FCMR: variants seen among roughly 807,000 people sequenced by gnomAD.
FCMR encodes immunoglobulin mu Fc receptor.
A neutral mutation model predicts 41.6 loss-of-function variants in FCMR; 34 were observed. The observed-to-expected ratio is 0.82, with a 90% CI of 0.62 to 1.09. FCMR has a LOEUF of 1.09. Ranked by LOEUF, FCMR falls within the 50% of genes least tolerant of loss-of-function variation. The probability of loss-of-function intolerance (pLI) is 0.00; values close to 1 mark genes in which losing one functional copy is unlikely to be tolerated. For synonymous variants in FCMR, 209 were observed against 211.8 expected, an observed-to-expected ratio of 0.99 and a Z score of 0.12; for missense variants, 496 against 512.5, an observed-to-expected ratio of 0.97 and a Z score of 0.31.
At position 206,913,968 on chromosome 1, in the gene FCMR, G is replaced by C. The variant is rs774091460; in HGVS notation, c.164C>G (p.Ser55Cys). The change falls in exon 2 of 8, where the codon TCT becomes TGT. Residue 55 changes from serine (S) to cysteine (C), a missense_variant. Physicochemically the swap from Ser to Cys is moderately radical, Grantham distance 112 (BLOSUM62 -1). Transcript: ENST00000367091. ...GGATACCACGGTACCACATGTTCCA[G>C]ATCCAGCCATCTCCCGGCACAGATA... ...RIYLCREMAG[S>C]GTCGTVVSTT... 45 of 1,614,220 alleles carry C rather than the reference G, an allele frequency of 2.8e-5. No homozygotes were observed. The highest frequency in any genetic ancestry group is 3.7e-5 in the Non-Finnish European group (44 of 1,180,040).
chr1:206,910,255 C>G lies in FCMR; in HGVS notation c.796G>C (p.Ala266Pro). Residue 266 changes from alanine to proline, a missense_variant, in exon 5 of 8, where the codon GCA becomes CCA. By Grantham distance (27) the Ala-to-Pro change is conservative. Coordinates refer to ENST00000367091, the MANE Select transcript of FCMR (RefSeq NM_005449.5). ...CTTTTCACCACCAGCCCCAGAAGTG[C>G]CAGCAGGAAAAGGCCCAGGATGGTC... ...IPTILGLFLL[A>P]LLGLVVKRAV... The G allele has an allele frequency of 6.3e-7, 1 of 1,594,312 alleles. No homozygotes were observed. The highest frequency in any genetic ancestry group is 8.5e-7 in the Non-Finnish European group (1 of 1,170,984).
At chr1:206,908,256 T>C (rs1297710623) in intron 7 of FCMR, 18 of 1,207,092 alleles carry the variant, frequency 1.5e-5, no homozygotes, top group South Asian at 1.1e-4. Flanking sequence ...TAATTCCTCA[T>C]GCTTGGCCTG....
intron 7 of FCMR, chr1:206,907,579 A>T (rs939580744): frequency 3.2e-6 from 2 of 633,050 alleles, no homozygotes; most frequent in Non-Finnish European, 6.0e-6. Flanking sequence ...CTACATGCGA[A>T]TTAAACAAGG....
chr1:206,918,889 G>T (rs1679312184), intron 1 of FCMR, among the ~76,000 whole-genome samples: 1 of 152,104 alleles, frequency 6.6e-6, no homozygotes, highest in African/African-American at 2.4e-5. Flanking sequence ...TCCAGCATTT[G>T]CAGGACCTGG....
In FCMR at chr1:206,909,451, G is replaced by A. The variant is rs1678819562; in HGVS notation, c.1044+11C>T. 1.6e-6 allele frequency: 2 copies of A among 1,270,740 alleles called. No homozygotes were observed. Among genetic ancestry groups the A allele is most frequent in the African/African-American group, 1.6e-5 (1 of 64,472 alleles). The allele number at this position is 1,270,740 out of a possible 1,614,324, so 78.7% of individuals were successfully genotyped here. On this transcript the variant is annotated intron_variant, in intron 7 of 7. Coordinates refer to ENST00000367091, the MANE Select transcript of FCMR (RefSeq NM_005449.5). This position sits in a 1 kb window ranked among gnomAD's most constrained non-coding sequence, Gnocchi z 5.0. ...GCCGCGGCTGCCAATCAGGGCAGGA[G>A]CGGAGCTTACCTGCAGCGGGGCGGG... is the stretch of plus-strand genomic sequence containing the variant.
chr1:206,914,306 TTTCTTTCCTTCCTTCCTTCCTTCC>T (rs2102564769), intron 1 of FCMR, among the ~76,000 whole-genome samples: 1 of 129,712 alleles, frequency 7.7e-6, no homozygotes, highest in South Asian at 2.7e-4. Context: ...TTCTTTTTCT[TTTCTTTCCTTCCTTCCTTCCTTCC>T]TTCCTTCCTT....
In FCMR at chr1:206,911,741, C is replaced by A; in HGVS notation, c.699G>T (p.Leu233=). The A allele has an allele frequency of 6.2e-7, 1 of 1,610,856 alleles. No individual in the cohort carries two copies. Among genetic ancestry groups the A allele is most frequent in the South Asian group, 1.1e-5 (1 of 90,664 alleles). The change falls in exon 4 of 8, where the codon CTG becomes CTT. Residue 233 remains leucine, a synonymous_variant. Coordinates refer to ENST00000367091, the MANE Select transcript of FCMR (RefSeq NM_005449.5). ...QTPSYNHHTR[L]HRQRALDYGS... ...CAGTGGTCTCTTACCTCTGCCTGTG[C>A]AGCCTGGTGTGGTGGTTGTAGCTGG...
At chr1:206,921,958 T>A (rs1679458383), upstream of FCMR, 1 of 1,030,200 alleles carries the variant, frequency 9.7e-7, no homozygotes, top group South Asian at 1.3e-5. Flanking sequence ...GGAAAGAGAT[T>A]TCTAGCCCCC....
chr1:206,921,929 C>T lies in FCMR; in HGVS notation c.-75G>A. On this transcript the variant is annotated 5_prime_UTR_variant, in exon 1 of 8. Coordinates refer to ENST00000367091, the MANE Select transcript of FCMR (RefSeq NM_005449.5). Reference sequence around the variant, plus strand: ...TGGAGACACGCTGCTTACTCAGGAACCCTTCACAATCTGGAACTGGAAAGA... The same window carrying T: ...TGGAGACACGCTGCTTACTCAGGAATCCTTCACAATCTGGAACTGGAAAGA... 7.4e-7 allele frequency: 1 copy of T among 1,354,508 alleles called. No homozygotes were observed. Among genetic ancestry groups the T allele is most frequent in the Non-Finnish European group, 1.1e-6 (1 of 948,088 alleles). 83.9% of individuals were successfully genotyped at this position (1,354,508 alleles called of 1,614,324 possible). A position where few individuals can be genotyped will look rare whatever the true frequency, so the allele number is the denominator to read the frequency against.
intron 2 of FCMR, 105 bp from the exon 3 acceptor site, chr1:206,913,147 G>A: frequency 1.2e-6 from 1 of 845,398 alleles, no homozygotes; most frequent in South Asian, 1.4e-5. Context: ...GAGGGGATGA[G>A]GGCAGGGTCC....
chr1:206,918,712 A>AATGT (rs1209587479), intron 1 of FCMR, among the ~76,000 whole-genome samples: 18 of 149,060 alleles, frequency 1.2e-4, no homozygotes, highest in African/African-American at 2.2e-4. Flanking sequence ...CCCAGCATCA[A>AATGT]ATGTATGTAT....
chr1:206,914,419 C>T (rs1329659609), intron 1 of FCMR, among the ~76,000 whole-genome samples: 1 of 141,276 alleles, frequency 7.1e-6, no homozygotes, highest in East Asian at 2.0e-4. Context: ...TTCCTTCCTT[C>T]CTTCCTTCCT....
At chr1:206,922,047 T>G, upstream of FCMR, 1 of 612,670 alleles carries the variant, frequency 1.6e-6, no homozygotes, top group Non-Finnish European at 3.0e-6. Context: ...AAGAGAGTGC[T>G]GACAAACCAC....
In FCMR at chr1:206,913,950, A is replaced by G. The variant is rs781602626; in HGVS notation, c.182T>C (p.Val61Ala). The change falls in exon 2 of 8, where the codon GTG (valine) becomes GCG (alanine). Residue 61 changes from valine to alanine, a missense_variant. By Grantham distance (64) the Val-to-Ala change is moderately conservative. Transcript: ENST00000367091. Reference protein sequence around the residue: ...EMAGSGTCGTVVSTTNFIKAE... With the variant: ...EMAGSGTCGTAVSTTNFIKAE... ...CTTGATGAAGTTGGTGGTGGATACC[A>G]CGGTACCACATGTTCCAGATCCAGC... 6.2e-7 allele frequency: 1 copy of G among 1,614,182 alleles called. No homozygotes were observed. Among genetic ancestry groups the G allele is most frequent in the Non-Finnish European group, 8.5e-7 (1 of 1,180,026 alleles).
chr1:206,911,791 C>A lies in FCMR; in HGVS notation c.649G>T (p.Glu217Ter). 1 of 1,612,428 alleles carries A rather than the reference C, an allele frequency of 6.2e-7. No individual in the cohort carries two copies. Among genetic ancestry groups the A allele is most frequent in the Non-Finnish European group, 8.5e-7 (1 of 1,179,426 alleles). The change falls in exon 4 of 8, where the codon GAG (glutamate) becomes TAG (stop). Residue 217 changes from glutamate to a stop codon, truncating the protein, a stop_gained. Transcript: ENST00000367091. LOFTEE classifies it high-confidence loss of function. ...STTASKISALEGLLKPQTPSY... is the reference protein window; with the variant it reads ...STTASKISAL Reference sequence around the variant, plus strand: ...GGCGTCTGGGGCTTGAGCAGCCCCTCCAGAGCTGAGATTTTTGAGGCTGTA... The same window carrying A: ...GGCGTCTGGGGCTTGAGCAGCCCCTACAGAGCTGAGATTTTTGAGGCTGTA...
rs762164021 is a variant in FCMR, at chr1:206,911,716, C to A, written c.710+14G>T. 8 of 1,607,614 alleles carry A rather than the reference C, an allele frequency of 5.0e-6. No individual in the cohort carries two copies. The highest frequency in any genetic ancestry group is 6.8e-6 in the Non-Finnish European group (8 of 1,176,262). On this transcript the variant is annotated intron_variant, in intron 4 of 7. Coordinates refer to ENST00000367091, the MANE Select transcript of FCMR (RefSeq NM_005449.5). ...TTCTAGCCTAACTCTAGATCCTGGA[C>A]AGTGGTCTCTTACCTCTGCCTGTGC...
Position 206,905,304 on chromosome 1 carries a change from C to T in FCMR, c.1045-157G>A, listed in dbSNP as rs187976079. Reference sequence around the variant, plus strand: ...GCTCAGCTCCATCAAGTGGAGTAGCCCTGGGGATTTTCAGGGTAGTGTCTC... The same window carrying T: ...GCTCAGCTCCATCAAGTGGAGTAGCTCTGGGGATTTTCAGGGTAGTGTCTC... On this transcript the variant is annotated intron_variant, in intron 7 of 7. Transcript: ENST00000367091. Among the ~76,000 whole-genome samples the T allele has an allele frequency of 4.2e-3, 631 of 151,924 alleles. 8 individuals are homozygous for T. The highest frequency in any genetic ancestry group is 4.0e-3 in the Non-Finnish European group (275 of 67,986).
chr1:206,905,741 A>T (rs759852440), intron 7 of FCMR, among the ~76,000 whole-genome samples: 53 of 152,232 alleles, frequency 3.5e-4, no homozygotes, highest in Non-Finnish European at 6.2e-4. Flanking sequence ...CACAGTTACT[A>T]TCTCATCCAC....
intron 1 of FCMR, among the ~76,000 whole-genome samples, chr1:206,917,362 G>A (rs1013424063): frequency 7.9e-5 from 12 of 151,916 alleles, no homozygotes; most frequent in Non-Finnish European, 1.8e-4. Context: ...TTTTTTTGAA[G>A]GATGAGAAAC....
Sources: gnomAD v4.1 joint callset for allele counts (sites outside exome capture counted in the v4.1 genomes callset) on GRCh38, gnomAD v4.1.1 for gene constraint, Gnocchi (gnomAD v3.1) non-coding constraint, MANE v1.5 for transcripts, NCBI Gene and HGNC (gene_info 2026-07-23, HGNC 2026-07-21) for gene names.